SAMD5: variants seen among roughly 807,000 people sequenced by gnomAD.
SAMD5 encodes sterile alpha motif domain containing 5, also known as sterile alpha motif domain-containing protein 5.
Under a neutral mutation model 11.3 loss-of-function variants are expected in SAMD5, and 13 were observed. That is an observed-to-expected ratio of 1.15 (90% confidence interval 0.75 to 1.83). The LOEUF is 1.83. SAMD5 is among the 40% of genes most tolerant of loss of function. The probability of loss-of-function intolerance (pLI) is 0.00; values close to 1 mark genes in which losing one functional copy is unlikely to be tolerated. For missense variants in SAMD5, 255 were observed against 239.1 expected, an observed-to-expected ratio of 1.07 and a Z score of -0.44; for synonymous variants, 129 against 111.3, an observed-to-expected ratio of 1.16 and a Z score of -1.00.
rs76782436 is a variant in SAMD5 at position 147,657,520 on chromosome 6, A to G, written c.163-79797A>G. Reference sequence around the variant, plus strand: ...AATGAAAGAGAGCACAGATAAGGCAATGAGGTAAAATGTTGAAACTAGGTG... The same window carrying G: ...AATGAAAGAGAGCACAGATAAGGCAGTGAGGTAAAATGTTGAAACTAGGTG... On this transcript the variant is annotated intron_variant, in intron 1 of 1. Transcript: ENST00000566741. Among the ~76,000 whole-genome samples the G allele has an allele frequency of 4.0e-3, 615 of 152,314 alleles. 2 individuals are homozygous for G. Among genetic ancestry groups the G allele is most frequent in the Middle Eastern group, 6.8e-3 (2 of 294 alleles).
the SAMD5 span, among the ~76,000 whole-genome samples, chr6:147,897,007 A>C: frequency 6.6e-6 from 1 of 152,182 alleles, no homozygotes; most frequent in Non-Finnish European, 1.5e-5. Context: ...GGTTGTCTGG[A>C]GGTGGGATCG....
intron 1 of SAMD5, among the ~76,000 whole-genome samples, chr6:147,544,478 G>T (rs1240800224): frequency 6.6e-6 from 1 of 152,192 alleles, no homozygotes; most frequent in African/African-American, 2.4e-5. Flanking sequence ...CCATCTCTCA[G>T]AATGGCTTGG....
chr6:147,604,330 C>G (rs1241264578), intron 1 of SAMD5, among the ~76,000 whole-genome samples: 1 of 151,916 alleles, frequency 6.6e-6, no homozygotes, highest in East Asian at 1.9e-4. Context: ...AAAGACCTGA[C>G]AGTTTTTGAC....
At chr6:147,674,135 G>A (rs1005826074) in intron 1 of SAMD5, among the ~76,000 whole-genome samples, 2 of 152,126 alleles carry the variant, frequency 1.3e-5, no homozygotes, top group African/African-American at 4.8e-5. Context: ...GAGAAAAGGG[G>A]GACAGGGGCT....
At chr6:147,727,521 C>T (rs968086291) in intron 1 of SAMD5, among the ~76,000 whole-genome samples, 6 of 152,100 alleles carry the variant, frequency 3.9e-5, no homozygotes, top group African/African-American at 1.4e-4. Flanking sequence ...GGGTTCAGCA[C>T]AAGGGAGGCA....
At chr6:147,579,181 G>A (rs889402837) in intron 1 of SAMD5, among the ~76,000 whole-genome samples, 1 of 152,228 alleles carries the variant, frequency 6.6e-6, no homozygotes, top group South Asian at 2.1e-4. Context: ...AGAGGAGATA[G>A]CCATGCAGAG....
chr6:147,689,220 G>C (rs562036127), intron 1 of SAMD5, among the ~76,000 whole-genome samples: 1 of 152,330 alleles, frequency 6.6e-6, no homozygotes, highest in East Asian at 1.9e-4. Flanking sequence ...TCACAGGCAA[G>C]AGAGTGCAGC....
At chr6:147,820,621 T>C in the SAMD5 span, among the ~76,000 whole-genome samples, 1 of 152,338 alleles carries the variant, frequency 6.6e-6, no homozygotes, top group East Asian at 1.9e-4. Flanking sequence ...GAGACCATAG[T>C]AGTCTGAACA....
the SAMD5 span, among the ~76,000 whole-genome samples, chr6:147,869,548 C>T: frequency 2.0e-5 from 3 of 152,176 alleles, no homozygotes. Context: ...AGAGAATACA[C>T]ATGAATGCTA....
rs1037179485 is a variant in SAMD5, at chr6:147,567,078, A to G, written c.*2622A>G. On this transcript the variant is annotated 3_prime_UTR_variant, in exon 2 of 2. Transcript: ENST00000367474. ...TAATTACAGACTTTCACTTGATAAT[A>G]TTGAGGAGTCTGGAGGGTCATAGCA... The G allele has an allele frequency of 5.1e-6, 5 of 973,062 alleles. No individual in the cohort carries two copies. Among genetic ancestry groups the G allele is most frequent in the African/African-American group, 1.8e-5 (1 of 56,938 alleles). 60.3% of individuals were successfully genotyped at this position (973,062 alleles called of 1,614,324 possible).
chr6:147,859,993 A>C, the SAMD5 span, among the ~76,000 whole-genome samples: 1 of 152,194 alleles, frequency 6.6e-6, no homozygotes, highest in African/African-American at 2.4e-5. Flanking sequence ...AGTACATTTA[A>C]TGTACTAGGG....
chr6:147,736,175 A>G (rs1791800496), intron 1 of SAMD5, among the ~76,000 whole-genome samples: 1 of 152,190 alleles, frequency 6.6e-6, no homozygotes, highest in Admixed American at 6.5e-5. Flanking sequence ...CCTCATCAGT[A>G]AAGTGAAGAT....
At chr6:147,952,577 C>T in the SAMD5 span, among the ~76,000 whole-genome samples, 22 of 152,286 alleles carry the variant, frequency 1.4e-4, no homozygotes, top group African/African-American at 5.3e-4. Context: ...GAGACGTGAC[C>T]TCAGCTCACT....
chr6:147,948,958 T>G, the SAMD5 span, among the ~76,000 whole-genome samples: 3 of 152,170 alleles, frequency 2.0e-5, no homozygotes, highest in Non-Finnish European at 2.9e-5. Context: ...TATTAAAGAT[T>G]CTGGATTAAA....
At chr6:147,744,921 A>ATAAATAAATAAATAAG in the SAMD5 span, among the ~76,000 whole-genome samples, 6,557 of 142,336 alleles carry the variant, frequency 0.046, 229 homozygotes, top group Admixed American at 0.093. Context: ...AAATAAATAA[A>ATAAATAAATAAATAAG]TAAGTAAGTA....
chr6:147,859,053 G>A, the SAMD5 span, among the ~76,000 whole-genome samples: 4 of 152,288 alleles, frequency 2.6e-5, no homozygotes, highest in South Asian at 4.1e-4. Flanking sequence ...CTAGGGGCCA[G>A]GGAGGACCTC....
Position 147,569,701 on chromosome 6 carries a change from G to T in SAMD5, c.*5245G>T, listed in dbSNP as rs1302055858. The T allele has an allele frequency of 2.0e-6, 2 of 985,262 alleles. No individual in the cohort carries two copies. Among genetic ancestry groups the T allele is most frequent in the Non-Finnish European group, 2.4e-6 (2 of 829,802 alleles). The allele number at this position is 985,262 out of a possible 1,614,324, so 61.0% of individuals were successfully genotyped here. ...TGTCAATGTTTAGAGATACTATTCG[G>T]GTTGCTAAAGCCATTATTCATAGAA... is the stretch of plus-strand genomic sequence containing the variant. On this transcript the variant is annotated 3_prime_UTR_variant, in exon 2 of 2. Transcript: ENST00000367474.
the SAMD5 span, among the ~76,000 whole-genome samples, chr6:147,950,295 A>G: frequency 2.7e-3 from 407 of 152,300 alleles, 2 homozygotes; most frequent in African/African-American, 9.0e-3. Context: ...AAAAGTAGGC[A>G]AAGCTTAACT....
chr6:147,723,946 T>C (rs1330683750), intron 1 of SAMD5, among the ~76,000 whole-genome samples: 1 of 152,190 alleles, frequency 6.6e-6, no homozygotes, highest in East Asian at 1.9e-4. Flanking sequence ...TCCTTAAGTA[T>C]AATCACTAAC....
Sources: gnomAD v4.1 joint callset for allele counts (sites outside exome capture counted in the v4.1 genomes callset) on GRCh38, gnomAD v4.1.1 for gene constraint, MANE v1.5 for transcripts, NCBI Gene and HGNC (gene_info 2026-07-23, HGNC 2026-07-21) for gene names.